MTRFR: variants seen among roughly 807,000 people sequenced by gnomAD.
The protein encoded by MTRFR is probable peptide chain release factor C12orf65, mitochondrial.
Under a neutral mutation model 11.9 loss-of-function variants are expected in MTRFR, and 10 were observed. The observed-to-expected ratio is 0.84, with a 90% CI of 0.52 to 1.42. The LOEUF is 1.42. MTRFR is among the 40% of genes most tolerant of loss of function. The pLI is 0.00. For missense variants in MTRFR, 196 were observed against 197.9 expected, an observed-to-expected ratio of 0.99 and a Z score of 0.06; for synonymous variants, 77 against 79.1, an observed-to-expected ratio of 0.97 and a Z score of 0.14.
intron 1 of MTRFR, chr12:123,252,056 T>C (rs954083437): frequency 1.3e-5 from 2 of 152,294 alleles, no homozygotes; most frequent in East Asian, 1.9e-4. Flanking sequence ...TTTAATATCT[T>C]CTCTAACTAA....
intron 1 of MTRFR, among the ~76,000 whole-genome samples, chr12:123,239,122 A>C (rs762834062): frequency 6.6e-6 from 1 of 152,144 alleles, no homozygotes; most frequent in Non-Finnish European, 1.5e-5. Context: ...TCCAAAAATT[A>C]GCCAGGCATG....
At chr12:123,254,091 G>T in intron 2 of MTRFR, 135 bp downstream of exon 2, 1 of 995,336 alleles carries the variant, frequency 1.0e-6, no homozygotes, top group Non-Finnish European at 1.5e-6. Context: ...TACCAGCCAG[G>T]CAGTAGAGAG....
intron 1 of MTRFR, chr12:123,248,883 T>G (rs1253851207): frequency 1.3e-5 from 2 of 152,272 alleles, no homozygotes; most frequent in African/African-American, 4.8e-5. Context: ...TTTATAAACC[T>G]TGAGCTAGAC....
At position 123,253,945 on chromosome 12, in the gene MTRFR, A is replaced by G. The variant is rs2048149710; in HGVS notation, c.271A>G (p.Ile91Val). 6.2e-7 allele frequency: 1 copy of G among 1,614,162 alleles called. No individual in the cohort carries two copies. The highest frequency in any genetic ancestry group is 1.3e-5 in the African/African-American group (1 of 75,052). The stretch of plus-strand genomic sequence containing the variant: ...GGTGCTGAAGCACATCCCCTCAGGC[A>G]TCGTTGTAAAGGTAGATCACAGAAG... ...CVVLKHIPSG[I>V]VVKCHQTRSV... The change falls in exon 2 of 3, where the codon ATC becomes GTC. Residue 91 changes from isoleucine to valine, a missense_variant. Coordinates refer to ENST00000253233, the MANE Select transcript of MTRFR (RefSeq NM_152269.5).
intron 1 of MTRFR, among the ~76,000 whole-genome samples, chr12:123,235,915 T>C (rs1433876654): frequency 6.6e-6 from 1 of 151,738 alleles, no homozygotes; most frequent in Non-Finnish European, 1.5e-5. Context: ...AATACAAAAA[T>C]TAGCTGGGCG....
chr12:123,241,307 T>C (rs1228127997), intron 1 of MTRFR, among the ~76,000 whole-genome samples: 1 of 151,808 alleles, frequency 6.6e-6, no homozygotes, highest in African/African-American at 2.4e-5. Flanking sequence ...TTATTTTTTA[T>C]TGTATTTTTT....
At chr12:123,251,984 C>CAG (rs914174832) in intron 1 of MTRFR, 5 of 152,440 alleles carry the variant, frequency 3.3e-5, no homozygotes, top group African/African-American at 1.2e-4. Context: ...TGTTCAAGGG[C>CAG]AGGGAGCATC....
chr12:123,240,779 G>C (rs960084985), intron 1 of MTRFR: 8 of 140,526 alleles, frequency 5.7e-5, no homozygotes, highest in Non-Finnish European at 1.1e-4. Flanking sequence ...TGTACCCCAG[G>C]CTGGAGTGCA....
intron 1 of MTRFR, among the ~76,000 whole-genome samples, chr12:123,237,438 A>G (rs1232063127): frequency 1.3e-5 from 2 of 152,224 alleles, no homozygotes; most frequent in African/African-American, 4.8e-5. Flanking sequence ...CAAAAATAAA[A>G]TAAAAATGAA....
chr12:123,234,024 A>C (rs899304902), intron 1 of MTRFR: 2 of 152,110 alleles, frequency 1.3e-5, no homozygotes, highest in Non-Finnish European at 2.9e-5. Flanking sequence ...CTGATCTCGA[A>C]CTCCTGGCCT....
chr12:123,252,597 C>G (rs536030441), intron 1 of MTRFR: 55 of 137,760 alleles, frequency 4.0e-4, no homozygotes, highest in African/African-American at 1.4e-3. Flanking sequence ...TTTACTATGT[C>G]AGACTGTTTA....
chr12:123,234,744 A>T lies in MTRFR; in HGVS notation c.-29+1213A>T, dbSNP rs1353394938. On this transcript the variant is annotated intron_variant, in intron 1 of 2. Coordinates refer to ENST00000253233, the MANE Select transcript of MTRFR (RefSeq NM_152269.5). Reference sequence around the variant, plus strand: ...GTTATCCTATCTTTCATGATTTTTTAAATTATATTACATAATTCCAAAAGA... The same window carrying T: ...GTTATCCTATCTTTCATGATTTTTTTAATTATATTACATAATTCCAAAAGA... Among the ~76,000 whole-genome samples the T allele has an allele frequency of 2.0e-5, 3 of 152,266 alleles. No homozygotes were observed. The East Asian group carries it at 5.8e-4, about 29-fold the overall frequency.
chr12:123,253,465 A>C, intron 1 of MTRFR, 182 bp from the exon 2 acceptor site: 1 of 599,680 alleles, frequency 1.7e-6, no homozygotes, highest in East Asian at 2.9e-5. Flanking sequence ...CATGGCAGAC[A>C]GTGCAAGGCT....
At chr12:123,235,026 A>G (rs891134995) in intron 1 of MTRFR, among the ~76,000 whole-genome samples, 1 of 152,224 alleles carries the variant, frequency 6.6e-6, no homozygotes, top group African/African-American at 2.4e-5. Context: ...CCTAAGCTCT[A>G]AAACAAAGGC....
chr12:123,250,372 T>C (rs759494802), intron 1 of MTRFR: 4 of 152,214 alleles, frequency 2.6e-5, no homozygotes, highest in Non-Finnish European at 4.4e-5. Flanking sequence ...CTTTTTCAGG[T>C]AAATCAGGTA....
chr12:123,241,158 GT>G lies in MTRFR; in HGVS notation c.-29+7637del, dbSNP rs1263874829. Among the ~76,000 whole-genome samples, 210 of 132,666 alleles carry G rather than the reference GT, an allele frequency of 1.6e-3. 1 individual carries two copies. The highest frequency in any genetic ancestry group is 2.5e-3 in the Admixed American group (32 of 12,946). 87.0% of individuals were successfully genotyped at this position (132,666 alleles called of 152,430 possible). ...TTGGGGTTGTTTTTTTTTTGTTTTTGTTTTTTTTTTAATAAAAGAGATGGAG... is the reference window on the plus strand; with the variant it reads ...TTGGGGTTGTTTTTTTTTTGTTTTTGTTTTTTTTTAATAAAAGAGATGGAG... On this transcript the variant is annotated intron_variant, in intron 1 of 2. Transcript: ENST00000253233.
At chr12:123,248,809 GAGCTGATTGGCCCATTTTACAGAC>G (rs1401620393) in intron 1 of MTRFR, 2 of 152,206 alleles carry the variant, frequency 1.3e-5, no homozygotes, top group Admixed American at 6.5e-5. Flanking sequence ...ATTTTACAGA[GAGCTGATTGGCCCATTTTACAGAC>G]AGCTGATTGG....
intron 1 of MTRFR, among the ~76,000 whole-genome samples, chr12:123,237,429 AAAAAT>A (rs1347698649): frequency 6.6e-6 from 1 of 152,232 alleles, no homozygotes; most frequent in Non-Finnish European, 1.5e-5. Context: ...ACTCCGGCTC[AAAAAT>A]AAAATAAAAA....
At chr12:123,248,793 T>G (rs2048076445) in intron 1 of MTRFR, 1 of 152,236 alleles carries the variant, frequency 6.6e-6, no homozygotes, top group Non-Finnish European at 1.5e-5. Flanking sequence ...TCCTGCTGAT[T>G]GGTCCATTTT....
Sources: gnomAD v4.1 joint callset for allele counts (sites outside exome capture counted in the v4.1 genomes callset) on GRCh38, gnomAD v4.1.1 for gene constraint, MANE v1.5 for transcripts, NCBI Gene and HGNC (gene_info 2026-07-23, HGNC 2026-07-21) for gene names.